The following AP2A2 variants were observed in gnomAD, a reference collection of about 807,000 sequenced individuals.
AP2A2 encodes adaptor related protein complex 2 subunit alpha 2.
In AP2A2, 32 loss-of-function variants were observed where a neutral mutation model predicts 104.2. The ratio of observed to expected loss-of-function variants is 0.31; its 90% CI spans 0.23 to 0.41. The LOEUF (loss-of-function observed/expected upper bound fraction) is 0.41, where lower values mean the gene tolerates loss of function less well. Ranked by LOEUF, AP2A2 falls within the 10% of genes least tolerant of loss-of-function variation. The probability of loss-of-function intolerance (pLI) is 1.00; values close to 1 mark genes in which losing one functional copy is unlikely to be tolerated. For missense variants in AP2A2, 912 were observed against 1,261.0 expected (o/e 0.72, Z 4.19); for synonymous variants, 539 against 533.3 (o/e 1.01, Z -0.15).
chr11:932,118 CGCCTA>C (rs1853310896), intron 1 of AP2A2, among the ~76,000 whole-genome samples: 2 of 152,168 alleles, frequency 1.3e-5, no homozygotes, highest in South Asian at 4.1e-4. Context: ...TCTGCCACCA[CGCCTA>C]GCTAATTTTT....
chr11:995,317 T>C, intron 14 of AP2A2: 1 of 455,956 alleles, frequency 2.2e-6, no homozygotes, highest in South Asian at 1.5e-5. Context: ...TGTAACAGAA[T>C]GTGTCCTGTG....
rs1331845607 is a variant in AP2A2 at position 986,833 on chromosome 11, G to A, written c.1011G>A (p.Leu337=). The change falls in exon 9 of 22, where the codon CTG becomes CTA. Residue 337 remains leucine (L), a synonymous_variant. Coordinates refer to ENST00000448903, the MANE Select transcript of AP2A2 (RefSeq NM_012305.4). ...VRACNQLGQF[L]QHRETNLRYL... Reference sequence around the variant, plus strand: ...CCTGCAACCAGTTGGGCCAGTTTCTGCAGCACCGCGAGACCAACCTGCGCT... The same window carrying A: ...CCTGCAACCAGTTGGGCCAGTTTCTACAGCACCGCGAGACCAACCTGCGCT... The A allele has an allele frequency of 6.8e-6, 11 of 1,613,056 alleles. No individual in the cohort carries two copies. The highest frequency in any genetic ancestry group is 9.3e-6 in the Non-Finnish European group (11 of 1,179,720).
intron 1 of AP2A2, among the ~76,000 whole-genome samples, chr11:941,456 AT>A (rs984042398): frequency 6.6e-6 from 1 of 151,754 alleles, no homozygotes; most frequent in Non-Finnish European, 1.5e-5. Flanking sequence ...TGTAATTTTT[AT>A]TTTTTTTAGA....
intron 10 of AP2A2, 54 bp downstream of exon 10, chr11:988,743 G>A (rs1217681165): frequency 3.1e-5 from 49 of 1,600,500 alleles, no homozygotes; most frequent in Non-Finnish European, 4.1e-5. Flanking sequence ...AATCTCAGCG[G>A]CAGGATTTCC....
chr11:984,362 C>T (rs562556825), intron 6 of AP2A2, among the ~76,000 whole-genome samples: 17 of 152,184 alleles, frequency 1.1e-4, no homozygotes, highest in South Asian at 6.2e-4. Context: ...ATTCACGTGC[C>T]GGTCCACAAA....
chr11:977,141 C>T lies in AP2A2; in HGVS notation c.520C>T (p.Arg174Cys), dbSNP rs376826459. ...GCAGAGCGCGGCCCTGTGCTTGCTG[C>T]GCCTGTACAGGACGTCCCCCGATCT... is the stretch of plus-strand genomic sequence containing the variant. ...VKQSAALCLLRLYRTSPDLVP... is the reference protein window; with the variant it reads ...VKQSAALCLLCLYRTSPDLVP... The change falls in exon 5 of 22, where the codon CGC becomes TGC. Residue 174 changes from arginine to cysteine, a missense_variant. Arg to Cys is a radical substitution (Grantham distance 180, BLOSUM62 -3). Around this residue, in one of 7 missense-constraint regions of AP2A2, gnomAD observed 350 missense variants for 487.0 expected, o/e 0.72. Coordinates refer to ENST00000448903, the MANE Select transcript of AP2A2 (RefSeq NM_012305.4). The T allele has an allele frequency of 1.3e-5, 21 of 1,613,618 alleles. No homozygotes were observed. Among genetic ancestry groups the T allele is most frequent in the African/African-American group, 4.0e-5 (3 of 74,922 alleles).
intron 3 of AP2A2, 62 bp downstream of exon 3, chr11:970,373 G>T (rs7394436): frequency 5.1e-5 from 81 of 1,578,694 alleles, no homozygotes; most frequent in Non-Finnish European, 6.5e-5. Context: ...ACTGAGGCCC[G>T]GTGCCCGTGT....
intron 1 of AP2A2, among the ~76,000 whole-genome samples, chr11:944,183 G>A (rs1381331389): frequency 6.6e-6 from 1 of 152,232 alleles, no homozygotes; most frequent in Non-Finnish European, 1.5e-5. Flanking sequence ...AGAGGATGCT[G>A]TAGAGACTGA....
chr11:1,009,636 C>A (rs1856350346), intron 20 of AP2A2, 47 bp from the exon 21 acceptor site: 1 of 1,472,280 alleles, frequency 6.8e-7, no homozygotes, highest in Non-Finnish European at 9.2e-7. Context: ...GGACACGCTG[C>A]CCGCGACCCC....
In AP2A2 at chr11:983,625, C is replaced by T. The variant is rs57229240; in HGVS notation, c.706-1020C>T. ...GTCTCGATCTCCTGACCTTGTGATC[C>T]GCCCGCCTTGGCCTCTCAAAGTGCT... On this transcript the variant is annotated intron_variant, in intron 6 of 21. Coordinates refer to ENST00000448903, the MANE Select transcript of AP2A2 (RefSeq NM_012305.4). Among the ~76,000 whole-genome samples, 1,390 of 152,116 alleles carry T rather than the reference C, an allele frequency of 9.1e-3. 17 individuals carry two copies. Among genetic ancestry groups the T allele is most frequent in the African/African-American group, 0.03 (1,263 of 41,448 alleles).
intron 1 of AP2A2, among the ~76,000 whole-genome samples, chr11:953,497 C>G (rs555135957): frequency 9.5e-4 from 144 of 152,038 alleles, no homozygotes; most frequent in Non-Finnish European, 1.9e-3. Flanking sequence ...ATTAGTTTTC[C>G]TGAACTGTCA....
chr11:938,477 G>GTT (rs1170166405), intron 1 of AP2A2, among the ~76,000 whole-genome samples: 36 of 141,030 alleles, frequency 2.6e-4, no homozygotes, highest in Admixed American at 3.5e-4. Flanking sequence ...ATGTTTGTAT[G>GTT]TTTTTTTTTT....
intron 14 of AP2A2, among the ~76,000 whole-genome samples, chr11:997,766 G>T (rs1022044594): frequency 1.3e-5 from 2 of 152,154 alleles, no homozygotes; most frequent in Non-Finnish European, 2.9e-5. Context: ...TTAGCCAGGT[G>T]TGGTGGTGTG....
chr11:940,815 G>T (rs550748066), intron 1 of AP2A2: 2 of 456,306 alleles, frequency 4.4e-6, no homozygotes, highest in Non-Finnish European at 8.8e-6. Flanking sequence ...AGGGGCCTTC[G>T]CTGCAGGGTG....
chr11:929,752 C>T (rs1224440789), intron 1 of AP2A2, among the ~76,000 whole-genome samples: 1 of 151,654 alleles, frequency 6.6e-6, no homozygotes, highest in Non-Finnish European at 1.5e-5. Context: ...ACTCGGATTG[C>T]GCCACTGCAC....
intron 1 of AP2A2, among the ~76,000 whole-genome samples, chr11:927,331 C>A (rs962858334): frequency 6.6e-6 from 1 of 152,088 alleles, no homozygotes; most frequent in Non-Finnish European, 1.5e-5. Context: ...TCCCAAAGTC[C>A]TGGGGTTACT....
At chr11:1,004,902 A>C (rs1349730036) in intron 16 of AP2A2, among the ~76,000 whole-genome samples, 1 of 152,242 alleles carries the variant, frequency 6.6e-6, no homozygotes, top group Non-Finnish European at 1.5e-5. Flanking sequence ...GGGAATGTAC[A>C]GTAGTGCGGG....
chr11:974,813 C>T (rs1202631153), intron 4 of AP2A2, among the ~76,000 whole-genome samples: 4 of 151,756 alleles, frequency 2.6e-5, no homozygotes, highest in African/African-American at 4.8e-5. Context: ...GGTGAAACCC[C>T]GTCTCTACTA....
chr11:952,967 C>G (rs765996957), intron 1 of AP2A2, among the ~76,000 whole-genome samples: 1 of 152,198 alleles, frequency 6.6e-6, no homozygotes, highest in Non-Finnish European at 1.5e-5. Flanking sequence ...TGCTCCTTTA[C>G]AGGAGAGCCC....
Sources: allele counts gnomAD v4.1 joint callset (sites outside exome capture counted in the v4.1 genomes callset), GRCh38; gene constraint gnomAD v4.1.1; regional missense constraint gnomAD v4.1.1; transcripts MANE v1.5; gene names NCBI Gene and HGNC (gene_info 2026-07-23, HGNC 2026-07-21).